The following ANKRD16 variants were observed in gnomAD, a reference collection of about 807,000 sequenced individuals.
ANKRD16 encodes the protein ankyrin repeat domain-containing protein 16.
ANKRD16 carries 35 observed loss-of-function variants against 37.9 expected under a neutral mutation model. The observed-to-expected ratio is 0.92, with a 90% confidence interval of 0.71 to 1.23. The LOEUF is 1.23. Among genes scored for constraint, ANKRD16 ranks in the 50% most tolerant of loss-of-function variants. ANKRD16 has a pLI of 0.00. For synonymous variants in ANKRD16, 206 were observed against 197.2 expected, an observed-to-expected ratio of 1.04 and a Z score of -0.37; for missense variants, 480 against 469.9, an observed-to-expected ratio of 1.02 and a Z score of -0.20.
At chr10:5,872,543 T>C (rs1842107976) in intron 7 of ANKRD16, among the ~76,000 whole-genome samples, 1 of 151,980 alleles carries the variant, frequency 6.6e-6, no homozygotes, top group Non-Finnish European at 1.5e-5. Flanking sequence ...ACCGTATGCA[T>C]TTTATTTATT....
chr10:5,883,241 G>T, intron 4 of ANKRD16, 74 bp from the exon 5 acceptor site: 1 of 1,504,006 alleles, frequency 6.6e-7, no homozygotes. Context: ...GGCATCTGCT[G>T]GCACTTCAGC....
intron 6 of ANKRD16, among the ~76,000 whole-genome samples, chr10:5,879,925 A>G (rs1842259611): frequency 6.6e-6 from 1 of 152,128 alleles, no homozygotes; most frequent in African/African-American, 2.4e-5. Flanking sequence ...TTGGGAGGCC[A>G]AGGCAGGTAG....
intron 5 of ANKRD16, among the ~76,000 whole-genome samples, chr10:5,882,371 G>A (rs147915956): frequency 5.9e-5 from 9 of 151,762 alleles, no homozygotes; most frequent in African/African-American, 1.2e-4. Flanking sequence ...GTGAAACCCC[G>A]TCTCTACCAA....
intron 2 of ANKRD16, among the ~76,000 whole-genome samples, chr10:5,886,581 ACT>A (rs1842426864): frequency 7.9e-6 from 1 of 125,884 alleles, no homozygotes; most frequent in African/African-American, 3.1e-5. Flanking sequence ...ACAGAGCAAG[ACT>A]CTGTCTCAAA....
chr10:5,868,628 C>A lies in ANKRD16; in HGVS notation c.*34-5937G>T, dbSNP rs915791416. Among the ~76,000 whole-genome samples the A allele has an allele frequency of 2.0e-5, 3 of 152,112 alleles. No homozygotes were observed. Among genetic ancestry groups the A allele is most frequent in the Admixed American group, 2.0e-4 (3 of 15,280 alleles). ...GACAAGTAAGGGAATAAAAGCTGGC[C>A]ACCCCCAGCCAGCAGCGGCAACCCA... is the stretch of plus-strand genomic sequence containing the variant. On this transcript the variant is annotated intron_variant, in intron 7 of 7. Coordinates refer to ENST00000380094, the MANE Select transcript of ANKRD16 (RefSeq NM_019046.3). This position sits in a 1 kb window ranked among gnomAD's most constrained non-coding sequence, Gnocchi z 4.9.
chr10:5,884,561 T>A (rs1842382785), intron 3 of ANKRD16, among the ~76,000 whole-genome samples: 1 of 151,878 alleles, frequency 6.6e-6, no homozygotes, highest in African/African-American at 2.4e-5. Flanking sequence ...TGAAACCCCG[T>A]CTCTACCAAA....
chr10:5,875,111 G>A (rs1401237382), intron 7 of ANKRD16, among the ~76,000 whole-genome samples: 1 of 152,068 alleles, frequency 6.6e-6, no homozygotes. Flanking sequence ...GCCAGACTGC[G>A]GGGGGTGGGA....
intron 6 of ANKRD16, among the ~76,000 whole-genome samples, chr10:5,879,516 T>C (rs1253226872): frequency 6.6e-6 from 1 of 151,974 alleles, no homozygotes; most frequent in African/African-American, 2.4e-5. Context: ...GGCCTTTGGC[T>C]CACAGAATGT....
At position 5,864,871 on chromosome 10, in the gene ANKRD16, G is replaced by A. The variant is rs1440037584; in HGVS notation, c.*34-2180C>T. On this transcript the variant is annotated intron_variant, in intron 7 of 7. Transcript: ENST00000380094. This position sits in a 1 kb window ranked among gnomAD's most constrained non-coding sequence, Gnocchi z 4.4. ...GAAAATCCTTCTGCCTTCCTCGAGC[G>A]GCTACGGGAGGCCTTAAGAAAATAT... Among the ~76,000 whole-genome samples the A allele has an allele frequency of 2.6e-5, 4 of 152,168 alleles. No homozygotes were observed. The highest frequency in any genetic ancestry group is 7.2e-5 in the African/African-American group (3 of 41,434).
chr10:5,874,886 G>A lies in ANKRD16; in HGVS notation c.*33+3211C>T, dbSNP rs912996290. On this transcript the variant is annotated intron_variant, in intron 7 of 7. Transcript: ENST00000380094. The surrounding 1 kb of genome is among the most constrained non-coding windows in gnomAD (Gnocchi z 4.7). ...TGGTACGCATGAGCACGGAGGGCCAGCCTGACAGAGGAGTGCAGAGGCAGA... is the reference window on the plus strand; with the variant it reads ...TGGTACGCATGAGCACGGAGGGCCAACCTGACAGAGGAGTGCAGAGGCAGA... Among the ~76,000 whole-genome samples, 27 of 152,184 alleles carry A rather than the reference G, an allele frequency of 1.8e-4. No homozygotes were observed. Among genetic ancestry groups the A allele is most frequent in the African/African-American group, 6.0e-4 (25 of 41,440 alleles).
rs1441424633 is a variant in ANKRD16 at position 5,878,777 on chromosome 10, C to A, written c.929-490G>T. Among the ~76,000 whole-genome samples the A allele has an allele frequency of 1.6e-5, 2 of 127,024 alleles. No individual in the cohort carries two copies. Among genetic ancestry groups the A allele is most frequent in the Non-Finnish European group, 3.3e-5 (2 of 60,694 alleles). The allele number at this position is 127,024 out of a possible 152,430, so 83.3% of individuals were successfully genotyped here. The stretch of plus-strand genomic sequence containing the variant: ...CGCCAGCCTGGGTGACAGAGCAAGA[C>A]TCTGCCTCAAAAAAAAAAAAAAAAG... On this transcript the variant is annotated intron_variant, in intron 6 of 7. Coordinates refer to ENST00000380094, the MANE Select transcript of ANKRD16 (RefSeq NM_019046.3). This position sits in a 1 kb window ranked among gnomAD's most constrained non-coding sequence, Gnocchi z 5.1.
At chr10:5,881,336 G>A (rs1302694345) in intron 5 of ANKRD16, among the ~76,000 whole-genome samples, 1 of 149,620 alleles carries the variant, frequency 6.7e-6, no homozygotes, top group African/African-American at 2.5e-5. Context: ...ATCTTTAGGG[G>A]AGAGATAAAC....
rs1306918515 is a variant in ANKRD16, at chr10:5,870,242, C to A, written c.*34-7551G>T. ...AACCTGCTCTGATCTTTGTCCAGCTCCTCACCGACCCCTTCACGGAGGCCC... is the reference window on the plus strand; with the variant it reads ...AACCTGCTCTGATCTTTGTCCAGCTACTCACCGACCCCTTCACGGAGGCCC... On this transcript the variant is annotated intron_variant, in intron 7 of 7. Coordinates refer to ENST00000380094, the MANE Select transcript of ANKRD16 (RefSeq NM_019046.3). The surrounding 1 kb of genome is among the most constrained non-coding windows in gnomAD (Gnocchi z 5.0). Among the ~76,000 whole-genome samples the A allele has an allele frequency of 6.6e-6, 1 of 152,058 alleles. No homozygotes were observed. The highest frequency in any genetic ancestry group is 2.4e-5 in the African/African-American group (1 of 41,392).
chr10:5,885,407 C>G (rs1404662622), intron 3 of ANKRD16, among the ~76,000 whole-genome samples: 2 of 152,046 alleles, frequency 1.3e-5, no homozygotes, highest in Non-Finnish European at 2.9e-5. Flanking sequence ...TGGTCTCGAT[C>G]TTCTGACCTT....
Position 5,889,670 on chromosome 10 carries a change from TG to T in ANKRD16, c.-317del. The stretch of plus-strand genomic sequence containing the variant: ...GGTCCGGGATGAGCACGGAGGGGCC[TG>T]GGGATCCGAGAGCGCTGGCGTCCGC... On this transcript the variant is annotated 5_prime_UTR_variant, in exon 1 of 8. Transcript: ENST00000380094. 1 of 178,974 alleles carries T rather than the reference TG, an allele frequency of 5.6e-6. No individual in the cohort carries two copies. Among genetic ancestry groups the T allele is most frequent in the Non-Finnish European group, 1.2e-5 (1 of 86,024 alleles). 11.1% of individuals were successfully genotyped at this position (178,974 alleles called of 1,614,324 possible). A position where few individuals can be genotyped will look rare whatever the true frequency, so the allele number is the denominator to read the frequency against.
rs1426408174 is a variant in ANKRD16, at chr10:5,868,283, A to G, written c.*34-5592T>C. Among the ~76,000 whole-genome samples, 1 of 152,182 alleles carries G rather than the reference A, an allele frequency of 6.6e-6. No homozygotes were observed. Among genetic ancestry groups the G allele is most frequent in the Non-Finnish European group, 1.5e-5 (1 of 68,040 alleles). Reference sequence around the variant, plus strand: ...TGCTGGCCCTTTGACTGGCCTAAAGAGTTCCCCTCTAGAGGACACTACAAC... The same window carrying G: ...TGCTGGCCCTTTGACTGGCCTAAAGGGTTCCCCTCTAGAGGACACTACAAC... On this transcript the variant is annotated intron_variant, in intron 7 of 7. Coordinates refer to ENST00000380094, the MANE Select transcript of ANKRD16 (RefSeq NM_019046.3). The surrounding 1 kb of genome is among the most constrained non-coding windows in gnomAD (Gnocchi z 4.9).
intron 2 of ANKRD16, among the ~76,000 whole-genome samples, chr10:5,887,193 T>C (rs975296306): frequency 6.6e-6 from 1 of 152,184 alleles, no homozygotes; most frequent in African/African-American, 2.4e-5. Flanking sequence ...GGAAACTTGC[T>C]CAAGAGAGAG....
Position 5,883,957 on chromosome 10 carries a change from C to T in ANKRD16, c.687+12G>A, listed in dbSNP as rs139474125. ...AAGAACCAAAAGAATAAAAACACAA[C>T]CATTTTTATACCCCATGTTCATCGA... is the stretch of plus-strand genomic sequence containing the variant. On this transcript the variant is annotated intron_variant, in intron 4 of 7. Transcript: ENST00000380094. 135 of 1,609,182 alleles carry T rather than the reference C, an allele frequency of 8.4e-5. No individual in the cohort carries two copies. The African/African-American group carries it at 1.6e-3, about 19-fold the overall frequency.
In ANKRD16 at chr10:5,863,926, G is replaced by A. The variant is rs1370328688; in HGVS notation, c.*34-1235C>T. ...GGCGACCCAGATGGGAAACACTCAG[G>A]CATCAACAGGCTCACCCTTGAAATG... On this transcript the variant is annotated intron_variant, in intron 7 of 7. Coordinates refer to ENST00000380094, the MANE Select transcript of ANKRD16 (RefSeq NM_019046.3). This position sits in a 1 kb window ranked among gnomAD's most constrained non-coding sequence, Gnocchi z 4.7. 6.6e-6 allele frequency among the ~76,000 whole-genome samples: 1 copy of A among 152,046 alleles called. No individual in the cohort carries two copies. Among genetic ancestry groups the A allele is most frequent in the African/African-American group, 2.4e-5 (1 of 41,362 alleles).
Sources: gnomAD v4.1 joint callset for allele counts (sites outside exome capture counted in the v4.1 genomes callset) on GRCh38, gnomAD v4.1.1 for gene constraint, Gnocchi (gnomAD v3.1) non-coding constraint, MANE v1.5 for transcripts, NCBI Gene and HGNC (gene_info 2026-07-23, HGNC 2026-07-21) for gene names.